Variants in GPC5 observed in about 807,000 individuals in gnomAD.
GPC5 encodes glypican-5.
Under a neutral mutation model 53.9 loss-of-function variants are expected in GPC5, and 47 were observed. The observed-to-expected ratio is 0.87, with a 90% CI of 0.69 to 1.11. The LOEUF (loss-of-function observed/expected upper bound fraction) is 1.11. GPC5 is among the 50% of genes most tolerant of loss of function. The pLI is 0.00. For missense variants in GPC5, 748 were observed against 713.1 expected (o/e 1.05, Z -0.56); for synonymous variants, 286 against 263.3 (o/e 1.09, Z -0.84).
intron 6 of GPC5, among the ~76,000 whole-genome samples, chr13:91,919,651 C>T (rs942858636): frequency 2.0e-5 from 3 of 151,972 alleles, no homozygotes; most frequent in Admixed American, 6.6e-5. Flanking sequence ...GAAAGACAGG[C>T]GTGTATTGCT....
intron 7 of GPC5, among the ~76,000 whole-genome samples, chr13:92,358,325 G>T (rs1009244888): frequency 7.2e-6 from 1 of 138,662 alleles, no homozygotes; most frequent in African/African-American, 3.1e-5. Context: ...CTGTGGCTCT[G>T]CAGGGAACAG....
Position 92,593,283 on chromosome 13 carries a change from G to A in GPC5, c.1562-272999G>A, listed in dbSNP as rs144876314. On this transcript the variant is annotated intron_variant, in intron 7 of 7. Coordinates refer to ENST00000377067, the MANE Select transcript of GPC5 (RefSeq NM_004466.6). ...CAGTGGCTGGTTCCATGGTGGAAAC[G>A]TGATTGCAATGTGGGTTACACATTT... Among the ~76,000 whole-genome samples, 1,092 of 151,376 alleles carry A rather than the reference G, an allele frequency of 7.2e-3. 31 individuals carry two copies. The highest frequency in any genetic ancestry group is 0.026 in the African/African-American group (1,062 of 41,342).
chr13:91,607,267 G>C (rs542976603), intron 2 of GPC5, among the ~76,000 whole-genome samples: 1 of 152,150 alleles, frequency 6.6e-6, no homozygotes, highest in Non-Finnish European at 1.5e-5. Context: ...GAACCATATC[G>C]ATCTGTGGTT....
chr13:92,700,025 G>T (rs1351367801), intron 7 of GPC5, among the ~76,000 whole-genome samples: 1 of 152,084 alleles, frequency 6.6e-6, no homozygotes, highest in African/African-American at 2.4e-5. Context: ...ATTGACAGTG[G>T]TGTCTTAAAG....
intron 2 of GPC5, among the ~76,000 whole-genome samples, chr13:91,632,127 A>G (rs2034172506): frequency 6.6e-6 from 1 of 152,148 alleles, no homozygotes; most frequent in African/African-American, 2.4e-5. Context: ...TGAAGCTTGA[A>G]AGATCGTAGT....
chr13:91,507,458 G>A (rs112402733), intron 2 of GPC5, among the ~76,000 whole-genome samples: 1,987 of 152,240 alleles, frequency 0.013, 44 homozygotes, highest in African/African-American at 0.04. Context: ...CATCTTATAT[G>A]GGTGGCAGGA....
At chr13:91,452,600 T>C (rs947560494) in intron 2 of GPC5, among the ~76,000 whole-genome samples, 2 of 152,132 alleles carry the variant, frequency 1.3e-5, no homozygotes, top group Non-Finnish European at 2.9e-5. Context: ...TTTGGAAATA[T>C]TTGTTATAAA....
At chr13:91,535,801 T>G (rs2138697218) in intron 2 of GPC5, among the ~76,000 whole-genome samples, 1 of 151,984 alleles carries the variant, frequency 6.6e-6, no homozygotes, top group Non-Finnish European at 1.5e-5. Context: ...AGCAGGAGGG[T>G]GTTGGAGTCA....
chr13:92,532,296 A>G (rs1881590716), intron 7 of GPC5, among the ~76,000 whole-genome samples: 1 of 152,186 alleles, frequency 6.6e-6, no homozygotes, highest in Non-Finnish European at 1.5e-5. Flanking sequence ...TTCAATATAT[A>G]TATTATATAC....
At chr13:92,439,850 A>G (rs1877474920) in intron 7 of GPC5, among the ~76,000 whole-genome samples, 1 of 149,794 alleles carries the variant, frequency 6.7e-6, no homozygotes, top group Non-Finnish European at 1.5e-5. Flanking sequence ...CTCAGGATTC[A>G]GTTAGGTACT....
chr13:91,732,339 A>T (rs2036718618), intron 4 of GPC5, among the ~76,000 whole-genome samples: 1 of 150,468 alleles, frequency 6.6e-6, no homozygotes, highest in Admixed American at 6.6e-5. Context: ...CTTCTCTTGA[A>T]AATGTCGGTT....
intron 5 of GPC5, among the ~76,000 whole-genome samples, chr13:91,805,687 G>A (rs2038208807): frequency 6.6e-6 from 1 of 152,170 alleles, no homozygotes; most frequent in Non-Finnish European, 1.5e-5. Flanking sequence ...GTGTGTGTGT[G>A]TTATTCCCAC....
At chr13:92,385,349 TATATAC>T (rs1192804735) in intron 7 of GPC5, among the ~76,000 whole-genome samples, 80 of 89,206 alleles carry the variant, frequency 9.0e-4, no homozygotes, top group African/African-American at 3.1e-3. Context: ...TATATATACA[TATATAC>T]ATATATACAT....
chr13:92,086,638 C>A (rs1235649057), intron 6 of GPC5, among the ~76,000 whole-genome samples: 1 of 151,864 alleles, frequency 6.6e-6, no homozygotes, highest in Admixed American at 6.6e-5. Context: ...ATTTACCAAA[C>A]CTGTCTCTCT....
At chr13:91,628,916 A>G (rs192316073) in intron 2 of GPC5, among the ~76,000 whole-genome samples, 18 of 152,300 alleles carry the variant, frequency 1.2e-4, no homozygotes, top group African/African-American at 4.3e-4. Context: ...TTTAAGTAGC[A>G]GTGTTGAAAT....
At chr13:91,855,055 A>G (rs754022657) in intron 5 of GPC5, among the ~76,000 whole-genome samples, 4 of 151,798 alleles carry the variant, frequency 2.6e-5, no homozygotes, top group Admixed American at 6.6e-5. Flanking sequence ...AAATTGAAGC[A>G]TCTCTGTTAC....
chr13:91,920,405 T>G (rs1016340221), intron 6 of GPC5, among the ~76,000 whole-genome samples: 1 of 152,188 alleles, frequency 6.6e-6, no homozygotes, highest in Non-Finnish European at 1.5e-5. Flanking sequence ...GACATTTGAA[T>G]TTCATTTTAG....
chr13:91,795,974 C>G (rs187024849), intron 5 of GPC5, among the ~76,000 whole-genome samples: 1 of 152,176 alleles, frequency 6.6e-6, no homozygotes, highest in African/African-American at 2.4e-5. Context: ...AAATGCCTTC[C>G]TTTTGTTACC....
chr13:92,361,829 A>G (rs987663872), intron 7 of GPC5, among the ~76,000 whole-genome samples: 6 of 151,768 alleles, frequency 4.0e-5, no homozygotes, highest in African/African-American at 7.3e-5. Flanking sequence ...TTAGCTGGTA[A>G]GAAAAGTCTT....
Sources: gnomAD v4.1 joint callset for allele counts (sites outside exome capture counted in the v4.1 genomes callset) on GRCh38, gnomAD v4.1.1 for gene constraint, MANE v1.5 for transcripts, NCBI Gene and HGNC (gene_info 2026-07-23, HGNC 2026-07-21) for gene names.